Variants in SLC35D1 observed in about 807,000 individuals in gnomAD.
The protein encoded by SLC35D1 is solute carrier family 35 member D1, also known as nucleotide sugar transporter SLC35D1.
Under a neutral mutation model 46.7 loss-of-function variants are expected in SLC35D1, and 31 were observed. That is an observed-to-expected ratio of 0.66 (90% confidence interval 0.50 to 0.90). The LOEUF (loss-of-function observed/expected upper bound fraction) is 0.90, where lower values mean the gene tolerates loss of function less well. Among genes scored for constraint, SLC35D1 ranks in the 40% least tolerant of loss-of-function variants. The pLI is 0.00. For missense variants in SLC35D1, 397 were observed against 426.2 expected, an observed-to-expected ratio of 0.93 and a Z score of 0.60; for synonymous variants, 195 against 164.6, an observed-to-expected ratio of 1.18 and a Z score of -1.41.
At chr1:67,034,671 T>C (rs1490111848) in intron 8 of SLC35D1, among the ~76,000 whole-genome samples, 3 of 152,166 alleles carry the variant, frequency 2.0e-5, no homozygotes, top group Non-Finnish European at 2.9e-5. Context: ...CTGGATGCCC[T>C]TTCTTTCTCT....
rs1473940100 is a variant in SLC35D1, at chr1:67,009,103, A to T, written c.941T>A (p.Phe314Tyr). The T allele has an allele frequency of 1.3e-6, 2 of 1,502,976 alleles. No individual in the cohort carries two copies. Among genetic ancestry groups the T allele is most frequent in the African/African-American group, 2.7e-5 (2 of 72,752 alleles). The allele number at this position is 1,502,976 out of a possible 1,614,324, so 93.1% of individuals were successfully genotyped here. The stretch of plus-strand genomic sequence containing the variant: ...TACTTACCTGATATTTAAACCAATG[A>T]AGTTTGTCCACGTGAAAATATAATC... ...GGDYIFTWTN[F>Y]IGLNISIAGS... The change falls in exon 11 of 12, where the codon TTC becomes TAC. Residue 314 changes from phenylalanine to tyrosine, a missense_variant. Transcript: ENST00000235345.
rs1198732315 is a variant in SLC35D1, at chr1:67,002,049, A to G, written c.*2291T>C. The G allele has an allele frequency of 1.3e-5, 2 of 152,356 alleles. No individual in the cohort carries two copies. Among genetic ancestry groups the G allele is most frequent in the Non-Finnish European group, 2.9e-5 (2 of 68,036 alleles). 9.4% of individuals were successfully genotyped at this position (152,356 alleles called of 1,614,324 possible). A position where few individuals can be genotyped will look rare whatever the true frequency, so the allele number is the denominator to read the frequency against. On this transcript the variant is annotated 3_prime_UTR_variant, in exon 12 of 12. Coordinates refer to ENST00000235345, the MANE Select transcript of SLC35D1 (RefSeq NM_015139.3). Reference sequence around the variant, plus strand: ...GGGGCTCTAGCCCAACACCTGTTAAAGACACCCAAAAGCCTTTCATGAAGA... The same window carrying G: ...GGGGCTCTAGCCCAACACCTGTTAAGGACACCCAAAAGCCTTTCATGAAGA...
At chr1:66,994,753 T>G (rs959157438), downstream of SLC35D1, among the ~76,000 whole-genome samples, 1 of 152,056 alleles carries the variant, frequency 6.6e-6, no homozygotes, top group African/African-American at 2.4e-5. Context: ...AACAGGTGTT[T>G]CAAATAATGT....
chr1:67,038,020 A>C (rs1358745589), intron 8 of SLC35D1, among the ~76,000 whole-genome samples: 1 of 152,226 alleles, frequency 6.6e-6, no homozygotes, highest in Non-Finnish European at 1.5e-5. Flanking sequence ...TTAAAAAGAG[A>C]TATCTCAGAG....
intron 8 of SLC35D1, among the ~76,000 whole-genome samples, chr1:67,022,511 T>C (rs532020009): frequency 5.3e-5 from 8 of 152,326 alleles, no homozygotes; most frequent in East Asian, 1.9e-4. Context: ...TGTGGGGCCC[T>C]TCCTGATCAA....
At chr1:67,023,887 A>G (rs895306076) in intron 8 of SLC35D1, among the ~76,000 whole-genome samples, 10 of 151,934 alleles carry the variant, frequency 6.6e-5, no homozygotes, top group Admixed American at 1.3e-4. Context: ...CACATATGCT[A>G]TACACACACA....
chr1:67,021,567 A>G lies in SLC35D1; in HGVS notation c.765T>C (p.Phe255=). Residue 255 remains phenylalanine, a synonymous_variant, in exon 9 of 12, where the codon TTT becomes TTC. Coordinates refer to ENST00000235345, the MANE Select transcript of SLC35D1 (RefSeq NM_015139.3). ...CACAGGAGAGGGTGAACTGCAGAAG[A>G]AAGAGGGTGTCAGCCCAGCCTTCAA... ...VEFEGWADTL[F]LLQFTLSCVM... 3 of 1,614,058 alleles carry G rather than the reference A, an allele frequency of 1.9e-6. No individual in the cohort carries two copies. Among genetic ancestry groups the G allele is most frequent in the Non-Finnish European group, 2.5e-6 (3 of 1,179,926 alleles).
chr1:66,996,648 T>G (rs1272750306), downstream of SLC35D1, among the ~76,000 whole-genome samples: 1 of 152,116 alleles, frequency 6.6e-6, no homozygotes, highest in Non-Finnish European at 1.5e-5. Flanking sequence ...ATGAGAACTG[T>G]AGGAAAGAAG....
chr1:67,028,548 T>A (rs1667958315), intron 8 of SLC35D1, among the ~76,000 whole-genome samples: 1 of 152,246 alleles, frequency 6.6e-6, no homozygotes, highest in Admixed American at 6.5e-5. Context: ...AGGACCATTA[T>A]ATCCTTTTGA....
the SLC35D1 span, among the ~76,000 whole-genome samples, chr1:66,979,834 G>A: frequency 2.0e-5 from 3 of 151,096 alleles, no homozygotes; most frequent in Non-Finnish European, 4.4e-5. Flanking sequence ...GCGCAATCTC[G>A]GCTCACTGCA....
intron 7 of SLC35D1, among the ~76,000 whole-genome samples, chr1:67,045,586 G>A (rs1392495390): frequency 6.6e-6 from 1 of 152,136 alleles, no homozygotes. Flanking sequence ...GTATAAATAA[G>A]TCATAGTGAT....
At chr1:67,040,079 C>T (rs1016751251) in intron 8 of SLC35D1, among the ~76,000 whole-genome samples, 5 of 151,680 alleles carry the variant, frequency 3.3e-5, no homozygotes, top group Non-Finnish European at 7.4e-5. Context: ...ACTGCAGCCT[C>T]GACCTCCTGG....
At position 67,003,613 on chromosome 1, in the gene SLC35D1, T is replaced by C. The variant is rs796675953; in HGVS notation, c.*727A>G. 3 of 153,054 alleles carry C rather than the reference T, an allele frequency of 2.0e-5. No individual in the cohort carries two copies. The highest frequency in any genetic ancestry group is 7.2e-5 in the African/African-American group (3 of 41,570). 9.5% of individuals were successfully genotyped at this position (153,054 alleles called of 1,614,324 possible). Reference sequence around the variant, plus strand: ...CATTTAGCACAATGCCTGGCACATATACTTAAAACATTTTAGTTGAATCAA... The same window carrying C: ...CATTTAGCACAATGCCTGGCACATACACTTAAAACATTTTAGTTGAATCAA... On this transcript the variant is annotated 3_prime_UTR_variant, in exon 12 of 12. Coordinates refer to ENST00000235345, the MANE Select transcript of SLC35D1 (RefSeq NM_015139.3).
intron 5 of SLC35D1, among the ~76,000 whole-genome samples, chr1:67,050,124 A>G (rs1013089184): frequency 3.3e-5 from 5 of 152,210 alleles, no homozygotes; most frequent in Non-Finnish European, 7.3e-5. Context: ...AAAATGTCAC[A>G]TTCATTTGGA....
the SLC35D1 span, among the ~76,000 whole-genome samples, chr1:66,978,156 A>G: frequency 6.7e-6 from 1 of 149,960 alleles, no homozygotes; most frequent in Non-Finnish European, 1.5e-5. Context: ...AGATCAAACC[A>G]CTGCACTCCA....
chr1:67,031,795 T>G (rs961302025), intron 8 of SLC35D1, among the ~76,000 whole-genome samples: 1 of 152,216 alleles, frequency 6.6e-6, no homozygotes, highest in African/African-American at 2.4e-5. Context: ...TCACTTTAAA[T>G]GTAGACAGAA....
chr1:66,976,723 G>A, the SLC35D1 span: 1 of 1,575,158 alleles, frequency 6.3e-7, no homozygotes. Flanking sequence ...CTGGTGTAAC[G>A]TGAGTTAATT....
At chr1:66,990,846 C>T in the SLC35D1 span, among the ~76,000 whole-genome samples, 5 of 152,094 alleles carry the variant, frequency 3.3e-5, no homozygotes, top group Admixed American at 6.5e-5. Flanking sequence ...ATGACTATTT[C>T]CCCCTCCGAC....
intron 8 of SLC35D1, among the ~76,000 whole-genome samples, chr1:67,040,972 G>A (rs182896702): frequency 6.6e-6 from 1 of 152,258 alleles, no homozygotes; most frequent in African/African-American, 2.4e-5. Flanking sequence ...AGTCAGGCTT[G>A]GGTTTAAATC....
Sources: allele counts gnomAD v4.1 joint callset (sites outside exome capture counted in the v4.1 genomes callset), GRCh38; gene constraint gnomAD v4.1.1; transcripts MANE v1.5; gene names NCBI Gene and HGNC (gene_info 2026-07-23, HGNC 2026-07-21).